Variants in TMIGD3 observed in about 807,000 individuals in gnomAD.
TMIGD3 encodes AD026 protein (AD026).
Under a neutral mutation model 28.1 loss-of-function variants are expected in TMIGD3, and 21 were observed. That is an observed-to-expected ratio of 0.75 (90% CI 0.53 to 1.08). TMIGD3 has a LOEUF of 1.08. Among genes scored for constraint, TMIGD3 ranks in the 50% least tolerant of loss-of-function variants. TMIGD3 has a pLI of 0.00. For synonymous variants in TMIGD3, 151 were observed against 162.1 expected, an observed-to-expected ratio of 0.93 and a Z score of 0.52; for missense variants, 416 against 435.6, an observed-to-expected ratio of 0.96 and a Z score of 0.40.
At chr1:111,528,510 C>T (rs540952972) in intron 1 of TMIGD3, among the ~76,000 whole-genome samples, 19 of 152,120 alleles carry the variant, frequency 1.2e-4, no homozygotes, top group Middle Eastern at 6.8e-3. Context: ...TTTGTCTCTC[C>T]GTATAAATTT....
intron 1 of TMIGD3, among the ~76,000 whole-genome samples, chr1:111,544,592 A>T (rs1388792625): frequency 6.6e-6 from 1 of 152,148 alleles, no homozygotes; most frequent in Non-Finnish European, 1.5e-5. Flanking sequence ...CATTTTGTTT[A>T]TCCCCTTATC....
intron 1 of TMIGD3, among the ~76,000 whole-genome samples, chr1:111,529,721 A>C (rs1160627463): frequency 1.3e-5 from 2 of 151,508 alleles, no homozygotes; most frequent in Non-Finnish European, 3.0e-5. Flanking sequence ...AAGGCAGAAG[A>C]ATTTTTCTTA....
rs759229351 is a variant in TMIGD3 at position 111,503,215 on chromosome 1, G to T, written c.140C>A (p.Thr47Asn). Residue 47 changes from threonine to asparagine, a missense_variant, in exon 1 of 6, where the codon ACC becomes AAC. Coordinates refer to ENST00000369716, the MANE Select transcript of TMIGD3 (RefSeq NM_020683.7). Reference protein sequence around the residue: ...VKLNPSLQTTTFYFIVSLALA... With the variant: ...VKLNPSLQTTNFYFIVSLALA... The stretch of plus-strand genomic sequence containing the variant: ...GGCTAGAGAGACAATGAAATAGAAG[G>T]TGGTGGTCTGCAGGCTGGGGTTCAG... The T allele has an allele frequency of 3.7e-6, 6 of 1,614,144 alleles. No homozygotes were observed. The highest frequency in any genetic ancestry group is 5.1e-6 in the Non-Finnish European group (6 of 1,180,056).
intron 1 of TMIGD3, chr1:111,542,095 T>C (rs1656850881): frequency 9.4e-6 from 2 of 212,994 alleles, no homozygotes; most frequent in South Asian, 1.1e-4. Context: ...CTTTTTTTTT[T>C]TTTTTGAAGG....
intron 1 of TMIGD3, chr1:111,542,138 A>T (rs976565386): frequency 2.6e-5 from 8 of 311,042 alleles, no homozygotes; most frequent in African/African-American, 1.8e-4. Context: ...TGTACAAAGA[A>T]CTATCATGTT....
chr1:111,502,842 T>C (rs1192059441), intron 1 of TMIGD3, among the ~76,000 whole-genome samples, 163 bp downstream of exon 1: 1 of 152,032 alleles, frequency 6.6e-6, no homozygotes, highest in Non-Finnish European at 1.5e-5. Flanking sequence ...AGCCCATTGT[T>C]GCTAACCCCC....
intron 1 of TMIGD3, among the ~76,000 whole-genome samples, chr1:111,522,070 G>A (rs183987607): frequency 6.0e-4 from 92 of 152,242 alleles, no homozygotes; most frequent in Admixed American, 1.8e-3. Flanking sequence ...GACCATATAC[G>A]TATGGGTTTA....
upstream of TMIGD3, among the ~76,000 whole-genome samples, chr1:111,508,588 T>C (rs983604911): frequency 2.0e-5 from 3 of 152,162 alleles, no homozygotes; most frequent in South Asian, 2.1e-4. Context: ...TCCAATCCCA[T>C]AGAATATTCC....
intron 1 of TMIGD3, among the ~76,000 whole-genome samples, chr1:111,544,797 T>C (rs1027273061): frequency 6.8e-6 from 1 of 147,754 alleles, no homozygotes; most frequent in Non-Finnish European, 1.5e-5. Context: ...CTTGGGTATA[T>C]CCAATTTGGT....
chr1:111,561,058 C>T (rs550285413), intron 1 of TMIGD3, among the ~76,000 whole-genome samples: 2 of 152,154 alleles, frequency 1.3e-5, no homozygotes, highest in African/African-American at 2.4e-5. Context: ...GAGGACCATA[C>T]CCTGAAGAAG....
chr1:111,516,573 C>T (rs952276876), intron 1 of TMIGD3, among the ~76,000 whole-genome samples: 2 of 152,196 alleles, frequency 1.3e-5, no homozygotes, highest in Non-Finnish European at 2.9e-5. Flanking sequence ...CTCAACAGAA[C>T]ACACAGGACA....
intron 1 of TMIGD3, among the ~76,000 whole-genome samples, chr1:111,558,438 CA>C (rs1186583477): frequency 2.6e-5 from 4 of 152,216 alleles, no homozygotes; most frequent in African/African-American, 7.2e-5. Flanking sequence ...CCACCTGCCT[CA>C]GCCTCCCAAA....
chr1:111,538,447 G>A (rs949417951), intron 1 of TMIGD3, among the ~76,000 whole-genome samples: 3 of 152,190 alleles, frequency 2.0e-5, no homozygotes, highest in Non-Finnish European at 4.4e-5. Flanking sequence ...GCATGAGGAG[G>A]AGGTTCTGGT....
At chr1:111,552,345 AGT>A (rs1238508767) in intron 1 of TMIGD3, among the ~76,000 whole-genome samples, 5 of 152,228 alleles carry the variant, frequency 3.3e-5, no homozygotes, top group Non-Finnish European at 7.3e-5. Context: ...AACGAAGGCA[AGT>A]TATAATGTCA....
At chr1:111,495,369 A>G (rs1654845255) in intron 1 of TMIGD3, among the ~76,000 whole-genome samples, 1 of 152,242 alleles carries the variant, frequency 6.6e-6, no homozygotes, top group Admixed American at 6.5e-5. Context: ...GAAAAGCTCA[A>G]TATCACTGAT....
In TMIGD3 at chr1:111,483,615, G is replaced by T; in HGVS notation, c.*72C>A. The T allele has an allele frequency of 8.3e-7, 1 of 1,201,730 alleles. No individual in the cohort carries two copies. Among genetic ancestry groups the T allele is most frequent in the Non-Finnish European group, 1.2e-6 (1 of 815,474 alleles). 74.4% of individuals were successfully genotyped at this position (1,201,730 alleles called of 1,614,324 possible). On this transcript the variant is annotated 3_prime_UTR_variant, in exon 6 of 6. Transcript: ENST00000369716. Reference sequence around the variant, plus strand: ...TGGGAGATCAGAATCAGTCTCTGAGGTGTGGGCCAGTTGTCATGGTGATTA... The same window carrying T: ...TGGGAGATCAGAATCAGTCTCTGAGTTGTGGGCCAGTTGTCATGGTGATTA...
intron 1 of TMIGD3, among the ~76,000 whole-genome samples, chr1:111,495,208 G>A (rs372667661): frequency 3.9e-5 from 6 of 151,926 alleles, no homozygotes; most frequent in African/African-American, 1.2e-4. Flanking sequence ...AAGTATTTGC[G>A]AACTATTCAT....
At chr1:111,553,137 A>G (rs891192916) in intron 1 of TMIGD3, among the ~76,000 whole-genome samples, 15 of 152,230 alleles carry the variant, frequency 9.9e-5, no homozygotes, top group African/African-American at 3.6e-4. Flanking sequence ...TTGTAAGCAG[A>G]GGCACAGATG....
chr1:111,512,088 C>T (rs537193101), intron 1 of TMIGD3, among the ~76,000 whole-genome samples: 22 of 152,356 alleles, frequency 1.4e-4, no homozygotes, highest in South Asian at 1.2e-3. Flanking sequence ...TTTCTGAAAC[C>T]TGGGCCAAAG....
Sources: gnomAD v4.1 joint callset for allele counts (sites outside exome capture counted in the v4.1 genomes callset) on GRCh38, gnomAD v4.1.1 for gene constraint, MANE v1.5 for transcripts, NCBI Gene and HGNC (gene_info 2026-07-23, HGNC 2026-07-21) for gene names.